Variants in RAI1 observed in about 807,000 individuals in gnomAD.
The protein encoded by RAI1 is retinoic acid induced 1, also known as retinoic acid-induced protein 1.
In RAI1, 9 loss-of-function variants were observed where a neutral mutation model predicts 123.8. That is an observed-to-expected ratio of 0.07 (90% CI 0.04 to 0.13). RAI1 has a LOEUF of 0.13. RAI1 is among the 10% of genes least tolerant of loss of function. The pLI is 1.00. For synonymous variants in RAI1, 1,231 were observed against 1,127.3 expected, an observed-to-expected ratio of 1.09 and a Z score of -1.84; for missense variants, 2,256 against 2,545.8, an observed-to-expected ratio of 0.89 and a Z score of 2.45.
At chr17:17,695,200 A>G (rs1914981085) in intron 1 of RAI1, among the ~76,000 whole-genome samples, 1 of 152,044 alleles carries the variant, frequency 6.6e-6, no homozygotes, top group Admixed American at 6.5e-5. Context: ...GGAACTGTCC[A>G]TGGGTCAGTG....
At chr17:17,783,324 G>T (rs1226968856) in intron 2 of RAI1, among the ~76,000 whole-genome samples, 1 of 151,940 alleles carries the variant, frequency 6.6e-6, no homozygotes. Flanking sequence ...CCGTGACCTT[G>T]CTGGGGTCAG....
intron 1 of RAI1, among the ~76,000 whole-genome samples, chr17:17,682,804 G>C (rs934443027): frequency 2.6e-5 from 4 of 152,046 alleles, no homozygotes; most frequent in African/African-American, 4.8e-5. Flanking sequence ...GCAGGGGCCG[G>C]AGTGCGGGCT....
At chr17:17,805,576 C>A (rs1178481251) in intron 4 of RAI1, among the ~76,000 whole-genome samples, 1 of 152,216 alleles carries the variant, frequency 6.6e-6, no homozygotes, top group African/African-American at 2.4e-5. Flanking sequence ...CAGGGGACCA[C>A]AGCCTGTACC....
At chr17:17,703,246 A>AGGTCAG (rs1915287248) in intron 1 of RAI1, among the ~76,000 whole-genome samples, 1 of 152,162 alleles carries the variant, frequency 6.6e-6, no homozygotes, top group African/African-American at 2.4e-5. Flanking sequence ...CTTCCTGTCC[A>AGGTCAG]GGTCAGGGTC....
intron 2 of RAI1, chr17:17,777,186 G>T (rs908083734): frequency 3.3e-5 from 5 of 152,108 alleles, no homozygotes; most frequent in African/African-American, 1.2e-4. Context: ...AGGTTAGAGG[G>T]CACATGTAAT....
chr17:17,711,097 A>ACC (rs765596219), intron 1 of RAI1, among the ~76,000 whole-genome samples: 1 of 152,220 alleles, frequency 6.6e-6, no homozygotes, highest in Non-Finnish European at 1.5e-5. Flanking sequence ...GGGCCGCAGT[A>ACC]CCCGGAAAAC....
chr17:17,803,751 A>T lies in RAI1; in HGVS notation c.5566-5A>T. 2 of 1,612,620 alleles carry T rather than the reference A, an allele frequency of 1.2e-6. No homozygotes were observed. On this transcript the variant is annotated splice_region_variant and splice_polypyrimidine_tract_variant and intron_variant, in intron 3 of 5. Coordinates refer to ENST00000353383, the MANE Select transcript of RAI1 (RefSeq NM_030665.4). ...ACTCACCTGCCTTTCCTTTCTCTTCATCAGATGTGTTCCAGCTGCCAAGAA... is the reference window on the plus strand; with the variant it reads ...ACTCACCTGCCTTTCCTTTCTCTTCTTCAGATGTGTTCCAGCTGCCAAGAA...
chr17:17,748,534 T>C (rs1380271080), intron 2 of RAI1, among the ~76,000 whole-genome samples: 1 of 152,228 alleles, frequency 6.6e-6, no homozygotes, highest in Non-Finnish European at 1.5e-5. Flanking sequence ...CCCTGTGAGA[T>C]AGGAAATAGC....
intron 4 of RAI1, among the ~76,000 whole-genome samples, chr17:17,808,139 G>C (rs1383580077): frequency 1.3e-5 from 2 of 152,134 alleles, no homozygotes; most frequent in Non-Finnish European, 2.9e-5. Flanking sequence ...TGAGGCTTTG[G>C]GGGAGGGGAG....
chr17:17,701,321 G>C (rs1915216738), intron 1 of RAI1, among the ~76,000 whole-genome samples: 1 of 152,304 alleles, frequency 6.6e-6, no homozygotes, highest in Non-Finnish European at 1.5e-5. Flanking sequence ...TGAGCCTTCT[G>C]CCTAGGCAGG....
intron 1 of RAI1, among the ~76,000 whole-genome samples, chr17:17,689,466 T>C (rs1914765646): frequency 6.6e-6 from 1 of 152,174 alleles, no homozygotes; most frequent in African/African-American, 2.4e-5. Context: ...GCCCCAGTGG[T>C]GTAGGTGGAC....
intron 2 of RAI1, among the ~76,000 whole-genome samples, chr17:17,755,525 C>T (rs1040980505): frequency 1.3e-5 from 2 of 152,154 alleles, no homozygotes; most frequent in Admixed American, 6.5e-5. Flanking sequence ...CCAGGGAGGG[C>T]AGAGGGTGGT....
intron 2 of RAI1, among the ~76,000 whole-genome samples, chr17:17,786,388 AC>A (rs1405921532): frequency 6.6e-6 from 1 of 152,234 alleles, no homozygotes; most frequent in African/African-American, 2.4e-5. Flanking sequence ...GTAGCTGTGA[AC>A]AAAACAGGCA....
At chr17:17,728,416 AT>A (rs1356964179) in intron 2 of RAI1, among the ~76,000 whole-genome samples, 1 of 152,184 alleles carries the variant, frequency 6.6e-6, no homozygotes, top group African/African-American at 2.4e-5. Flanking sequence ...TTATATCCTG[AT>A]TGAGCCATTC....
intron 1 of RAI1, among the ~76,000 whole-genome samples, chr17:17,698,166 A>T (rs1488831932): frequency 1.3e-5 from 2 of 152,072 alleles, no homozygotes; most frequent in Non-Finnish European, 2.9e-5. Context: ...CTGTGGGGTG[A>T]CCCTGCTCCT....
intron 2 of RAI1, among the ~76,000 whole-genome samples, chr17:17,772,587 G>A (rs1046129250): frequency 9.9e-5 from 15 of 152,252 alleles, no homozygotes; most frequent in Middle Eastern, 3.4e-3. Context: ...ACTTCCACTC[G>A]AGAGCCAGCC....
chr17:17,690,701 T>C (rs1598013455), intron 1 of RAI1, among the ~76,000 whole-genome samples: 1 of 152,290 alleles, frequency 6.6e-6, no homozygotes, highest in East Asian at 1.9e-4. Flanking sequence ...CAATGTAAAG[T>C]AAAAACCACC....
chr17:17,692,195 A>G (rs920857270), intron 1 of RAI1, among the ~76,000 whole-genome samples: 2 of 152,240 alleles, frequency 1.3e-5, no homozygotes, highest in African/African-American at 2.4e-5. Flanking sequence ...TAGGCAGGAC[A>G]GGAGCCTGGG....
At chr17:17,708,766 G>T (rs1331302389) in intron 1 of RAI1, among the ~76,000 whole-genome samples, 1 of 152,232 alleles carries the variant, frequency 6.6e-6, no homozygotes, top group Non-Finnish European at 1.5e-5. Flanking sequence ...GAAGTTAGAA[G>T]ACTGTGGTCC....
Sources: gnomAD v4.1 joint callset for allele counts (sites outside exome capture counted in the v4.1 genomes callset) on GRCh38, gnomAD v4.1.1 for gene constraint, MANE v1.5 for transcripts, NCBI Gene and HGNC (gene_info 2026-07-23, HGNC 2026-07-21) for gene names.